NAA35: variants seen among roughly 807,000 people sequenced by gnomAD.
NAA35 encodes N-alpha-acetyltransferase 35, NatC auxiliary subunit.
Under a neutral mutation model 101.7 loss-of-function variants are expected in NAA35, and 18 were observed. The ratio of observed to expected loss-of-function variants is 0.18; its 90% confidence interval spans 0.12 to 0.26. The LOEUF is 0.26. NAA35 is among the 10% of genes least tolerant of loss of function. The pLI is 1.00. For missense variants in NAA35, 601 were observed against 886.8 expected (o/e 0.68, Z 4.09); for synonymous variants, 267 against 273.1 (o/e 0.98, Z 0.22).
At position 86,018,818 on chromosome 9, in the gene NAA35, T is replaced by C. The variant is rs1832368673; in HGVS notation, c.2034T>C (p.His678=). 4 of 1,613,208 alleles carry C rather than the reference T, an allele frequency of 2.5e-6. No homozygotes were observed. Among genetic ancestry groups the C allele is most frequent in the Admixed American group, 1.7e-5 (1 of 59,826 alleles). ...MILENIPNPD[H]EVNRILKVAK... is the part of the protein sequence containing the mutation. ...TGGAAAATATTCCTAACCCGGACCA[T>C]GAGGTGAGACTGGATTCACAGTAAT... Residue 678 remains histidine, a synonymous_variant, in exon 21 of 23, where the codon CAT becomes CAC. Transcript: ENST00000361671.
At chr9:86,008,672 A>AATTT (rs1411419430) in intron 14 of NAA35, among the ~76,000 whole-genome samples, 1 of 152,216 alleles carries the variant, frequency 6.6e-6, no homozygotes, top group Non-Finnish European at 1.5e-5. Flanking sequence ...AAATACCACA[A>AATTT]ATAATGATAA....
chr9:86,010,279 T>A lies in NAA35; in HGVS notation c.1290+348T>A, dbSNP rs541731848. ...AATAATAATAATAATAATAAATTGCTGGACTGCAATTCCTTCAGTGTCTGT... is the reference window on the plus strand; with the variant it reads ...AATAATAATAATAATAATAAATTGCAGGACTGCAATTCCTTCAGTGTCTGT... On this transcript the variant is annotated intron_variant, in intron 15 of 22. Transcript: ENST00000361671. Among the ~76,000 whole-genome samples the A allele has an allele frequency of 5.9e-4, 90 of 152,160 alleles. 3 individuals carry two copies. The South Asian group carries it at 0.018, about 31-fold the overall frequency.
At chr9:85,943,087 C>T (rs1329505216) in intron 2 of NAA35, among the ~76,000 whole-genome samples, 1 of 152,012 alleles carries the variant, frequency 6.6e-6, no homozygotes, top group African/African-American at 2.4e-5. Flanking sequence ...TTTCTGTAAC[C>T]CTAGTATACA....
chr9:86,002,745 C>A (rs76465611), intron 12 of NAA35, among the ~76,000 whole-genome samples: 3,973 of 152,166 alleles, frequency 0.026, 161 homozygotes, highest in African/African-American at 0.091. Flanking sequence ...TATCCTTCAG[C>A]TCCTGTATCA....
At chr9:85,969,383 T>C (rs1164256918) in intron 6 of NAA35, among the ~76,000 whole-genome samples, 7 of 152,128 alleles carry the variant, frequency 4.6e-5, no homozygotes. Context: ...CTATATTCTG[T>C]TGCTTTTCTG....
Position 85,958,525 on chromosome 9 carries a change from A to G in NAA35, c.212A>G (p.Asp71Gly). The change falls in exon 4 of 23, where the codon GAT (aspartate) becomes GGT (glycine). Residue 71 changes from aspartate to glycine, a missense_variant. Around this residue, in one of 8 missense-constraint regions of NAA35, gnomAD observed 42 missense variants for 41.2 expected, o/e 1.02. Coordinates refer to ENST00000361671, the MANE Select transcript of NAA35 (RefSeq NM_024635.4). ...SAIEMMDPKMDAGMIGNQVNR... is the reference protein window; with the variant it reads ...SAIEMMDPKMGAGMIGNQVNR... ...ATTGAAATGATGGATCCCAAGATGG[A>G]TGCTGGCATGATTGGAAACCAAGTT... 6.2e-7 allele frequency: 1 copy of G among 1,611,868 alleles called. No individual in the cohort carries two copies. The highest frequency in any genetic ancestry group is 8.5e-7 in the Non-Finnish European group (1 of 1,178,742).
chr9:86,024,546 TAACAA>T lies in NAA35; in HGVS notation c.*2588_*2592del, dbSNP rs1832698982. Among the ~76,000 whole-genome samples, 1 of 152,164 alleles carries T rather than the reference TAACAA, an allele frequency of 6.6e-6. No individual in the cohort carries two copies. Among genetic ancestry groups the T allele is most frequent in the Non-Finnish European group, 1.5e-5 (1 of 68,026 alleles). Reference sequence around the variant, plus strand: ...GTCACGTGAGAGAAAATGTTGGTCTTAACAAAGGTAGTGGCAGAGCAGGTGGAAGA... The same window carrying T: ...GTCACGTGAGAGAAAATGTTGGTCTTAGGTAGTGGCAGAGCAGGTGGAAGA... On this transcript the variant is annotated 3_prime_UTR_variant, in exon 23 of 23. Coordinates refer to ENST00000361671, the MANE Select transcript of NAA35 (RefSeq NM_024635.4).
intron 11 of NAA35, among the ~76,000 whole-genome samples, chr9:85,994,436 A>G (rs56070033): frequency 0.067 from 10,155 of 152,234 alleles, 1,116 homozygotes; most frequent in African/African-American, 0.23. Context: ...GTATAATTCT[A>G]CAACTTTTTG....
chr9:85,942,371 T>TTTA, intron 2 of NAA35, 88 bp downstream of exon 2: 1 of 1,526,226 alleles, frequency 6.6e-7, no homozygotes, highest in African/African-American at 1.4e-5. Context: ...TTAGATGAAA[T>TTTA]CAACAGGTAA....
chr9:85,943,146 G>A (rs1484677732), intron 2 of NAA35, among the ~76,000 whole-genome samples: 1 of 152,120 alleles, frequency 6.6e-6, no homozygotes, highest in African/African-American at 2.4e-5. Flanking sequence ...GTAAATGATT[G>A]GAGAAATGAA....
chr9:85,941,824 T>A (rs1828531694), intron 1 of NAA35: 1 of 1,032,336 alleles, frequency 9.7e-7, no homozygotes, highest in Admixed American at 5.2e-5. Flanking sequence ...TGGTCTTTTG[T>A]GGCTATTATT....
intron 6 of NAA35, among the ~76,000 whole-genome samples, chr9:85,964,365 G>A (rs1587582944): frequency 6.6e-6 from 1 of 151,924 alleles, no homozygotes; most frequent in Non-Finnish European, 1.5e-5. Context: ...AGCCTTCTTC[G>A]CTGTGACACT....
intron 11 of NAA35, among the ~76,000 whole-genome samples, chr9:85,989,376 C>G (rs186497728): frequency 1.3e-5 from 2 of 152,036 alleles, no homozygotes; most frequent in African/African-American, 4.8e-5. Flanking sequence ...GAGGTTGAGG[C>G]AGGAGAATCG....
intron 14 of NAA35, among the ~76,000 whole-genome samples, chr9:86,008,527 A>G (rs1831750797): frequency 2.0e-5 from 3 of 152,258 alleles, no homozygotes; most frequent in South Asian, 2.1e-4. Flanking sequence ...AGAAATACAC[A>G]TAAAATAAGG....
At chr9:85,955,935 T>A (rs1829256152) in intron 2 of NAA35, among the ~76,000 whole-genome samples, 1 of 152,178 alleles carries the variant, frequency 6.6e-6, no homozygotes, top group Non-Finnish European at 1.5e-5. Context: ...CAAAATAGGA[T>A]TTTAAAAAAT....
At chr9:85,998,874 T>G (rs1260166104) in intron 12 of NAA35, among the ~76,000 whole-genome samples, 2 of 152,242 alleles carry the variant, frequency 1.3e-5, no homozygotes, top group African/African-American at 4.8e-5. Flanking sequence ...TCTTCCCCTT[T>G]GGTTGCTGGT....
chr9:85,996,236 T>C (rs1375575210), intron 11 of NAA35, among the ~76,000 whole-genome samples, 163 bp from the exon 12 acceptor site: 2 of 152,206 alleles, frequency 1.3e-5, no homozygotes, highest in East Asian at 3.8e-4. Context: ...AAAAAATGTA[T>C]ATGTATAGAT....
chr9:86,016,517 C>T lies in NAA35; in HGVS notation c.1569-22C>T, dbSNP rs1302557001. 1.9e-6 allele frequency: 3 copies of T among 1,603,972 alleles called. No individual in the cohort carries two copies. The South Asian group carries it at 3.4e-5, about 18-fold the overall frequency. ...GTCTCATTTAGACATCTACCATTAA[C>T]TAACATTTTGTATCCTTTAAGGTAT... On this transcript the variant is annotated intron_variant, in intron 17 of 22. Transcript: ENST00000361671.
rs373943041 is a variant in NAA35 at position 85,962,048 on chromosome 9, A to G, written c.384A>G (p.Thr128=). ...TWLEGHSLAQ[T]VFTCLYIHNP... Reference sequence around the variant, plus strand: ...TAGAAGGCCATTCACTGGCACAGACAGTATTTACGTGCCTTTACATTCATA... The same window carrying G: ...TAGAAGGCCATTCACTGGCACAGACGGTATTTACGTGCCTTTACATTCATA... The change falls in exon 6 of 23, where the codon ACA becomes ACG. Residue 128 remains threonine (T), a synonymous_variant. Coordinates refer to ENST00000361671, the MANE Select transcript of NAA35 (RefSeq NM_024635.4). 212 of 1,613,436 alleles carry G rather than the reference A, an allele frequency of 1.3e-4. No individual in the cohort carries two copies. Among genetic ancestry groups the G allele is most frequent in the Admixed American group, 2.2e-4 (13 of 59,804 alleles).
Sources: gnomAD v4.1 joint callset for allele counts (sites outside exome capture counted in the v4.1 genomes callset) on GRCh38, gnomAD v4.1.1 for gene constraint, gnomAD v4.1.1 regional missense constraint, MANE v1.5 for transcripts, NCBI Gene and HGNC (gene_info 2026-07-23, HGNC 2026-07-21) for gene names.